The following HECTD4 variants were observed in gnomAD, a reference collection of about 807,000 sequenced individuals.
The protein encoded by HECTD4 is probable E3 ubiquitin-protein ligase HECTD4.
In HECTD4, 114 loss-of-function variants were observed where a neutral mutation model predicts 471.5. The observed-to-expected ratio is 0.24, with a 90% CI of 0.21 to 0.28. HECTD4 has a LOEUF of 0.28. HECTD4 is among the 10% of genes least tolerant of loss of function. The pLI, the probability that HECTD4 is intolerant of heterozygous loss-of-function variation, is 1.00. For synonymous variants in HECTD4, 2,012 were observed against 2,256.0 expected, an observed-to-expected ratio of 0.89 and a Z score of 3.07; for missense variants, 3,866 against 5,651.5, an observed-to-expected ratio of 0.68 and a Z score of 10.13.
intron 1 of HECTD4, among the ~76,000 whole-genome samples, chr12:112,349,478 T>C (rs1362963950): frequency 6.6e-6 from 1 of 151,974 alleles, no homozygotes; most frequent in Non-Finnish European, 1.5e-5. Context: ...AATCAACATT[T>C]AAAAATTTTG....
chr12:112,381,640 T>C lies in HECTD4; in HGVS notation c.177+312A>G, dbSNP rs1393741354. Reference sequence around the variant, plus strand: ...GGAGGGAGGGCCCGGGTGGTGGCGGTGGCTCCTCTGGGGCATGAAGGCCGA... The same window carrying C: ...GGAGGGAGGGCCCGGGTGGTGGCGGCGGCTCCTCTGGGGCATGAAGGCCGA... On this transcript the variant is annotated intron_variant, in intron 1 of 75. Coordinates refer to ENST00000682272, the MANE Select transcript of HECTD4 (RefSeq NM_001388303.1). The surrounding 1 kb of genome is among the most constrained non-coding windows in gnomAD (Gnocchi z 4.1). 6.6e-6 allele frequency among the ~76,000 whole-genome samples: 1 copy of C among 151,482 alleles called. No homozygotes were observed. Among genetic ancestry groups the C allele is most frequent in the East Asian group, 2.0e-4 (1 of 5,128 alleles).
intron 35 of HECTD4, among the ~76,000 whole-genome samples, chr12:112,236,622 C>A (rs2033508995): frequency 6.6e-6 from 1 of 152,306 alleles, no homozygotes; most frequent in Middle Eastern, 3.4e-3. Context: ...CCTCTTTAAT[C>A]TTGCTACAAT....
rs2031595108 is a variant in HECTD4 at position 112,179,705 on chromosome 12, G to T, written c.10988-308C>A. On this transcript the variant is annotated intron_variant, in intron 62 of 75. Coordinates refer to ENST00000682272, the MANE Select transcript of HECTD4 (RefSeq NM_001388303.1). The surrounding 1 kb of genome is among the most constrained non-coding windows in gnomAD (Gnocchi z 4.3). The stretch of plus-strand genomic sequence containing the variant: ...GGGGACGACAGGCCCCTCCCCGAGG[G>T]TGGGCACACCTCAGTGCTCACCCTC... Among the ~76,000 whole-genome samples, 1 of 152,142 alleles carries T rather than the reference G, an allele frequency of 6.6e-6. No homozygotes were observed.
intron 44 of HECTD4, among the ~76,000 whole-genome samples, chr12:112,219,890 G>A (rs1011668005): frequency 9.9e-5 from 15 of 152,086 alleles, no homozygotes; most frequent in Admixed American, 7.2e-4. Context: ...TTGAGCCACC[G>A]CGCCCAGCCT....
Position 112,258,551 on chromosome 12 carries a change from C to A in HECTD4, c.3073G>T (p.Gly1025Cys). 1 of 1,605,824 alleles carries A rather than the reference C, an allele frequency of 6.2e-7. No individual in the cohort carries two copies. Among genetic ancestry groups the A allele is most frequent in the South Asian group, 1.1e-5 (1 of 89,884 alleles). Residue 1025 changes from glycine to cysteine, a missense_variant, in exon 20 of 76, where the codon GGC becomes TGC. Physicochemically the swap from Gly to Cys is radical, Grantham distance 159 (BLOSUM62 -3). Around this residue, in one of 16 missense-constraint regions of HECTD4, gnomAD observed 525 missense variants for 672.6 expected, o/e 0.78. Transcript: ENST00000682272. ...KTQCPVFAEV[G>C]CSPCGAPDQK... is the part of the protein sequence containing the mutation. ...TCTGGTGCACCACACGGGGAACAGCCCACCTCAGCAAAAACCGGACACTGG... is the reference window on the plus strand; with the variant it reads ...TCTGGTGCACCACACGGGGAACAGCACACCTCAGCAAAAACCGGACACTGG...
rs1006803564 is a variant in HECTD4 at position 112,167,402 on chromosome 12, G to A, written c.12449C>T (p.Thr4150Met). ...AGGGTCCAAGGGCTCGCCCACCAGC[G>A]TCTTCCAGAAGGAGGGCAGGAGGTC... Reference protein sequence around the residue: ...PLDLLPSFWKTLVGEPLDPEQ... With the variant: ...PLDLLPSFWKMLVGEPLDPEQ... The change falls in exon 72 of 76, where the codon ACG becomes ATG. Residue 4150 changes from threonine to methionine, a missense_variant. Thr to Met is a moderately conservative substitution (Grantham distance 81, BLOSUM62 -1). This residue lies in a region of HECTD4 where 715 missense variants were observed against 1,087.6 expected (regional missense o/e 0.66). Coordinates refer to ENST00000682272, the MANE Select transcript of HECTD4 (RefSeq NM_001388303.1). 1.5e-5 allele frequency: 25 copies of A among 1,613,738 alleles called. No homozygotes were observed. Among genetic ancestry groups the A allele is most frequent in the African/African-American group, 4.0e-5 (3 of 74,952 alleles).
At chr12:112,197,916 A>C (rs1417665896) in intron 55 of HECTD4, among the ~76,000 whole-genome samples, 1 of 151,842 alleles carries the variant, frequency 6.6e-6, no homozygotes, top group Non-Finnish European at 1.5e-5. Flanking sequence ...GACTCTAGCA[A>C]CCTCTGCCTC....
chr12:112,301,948 G>C, intron 7 of HECTD4: 4 of 880,034 alleles, frequency 4.5e-6, no homozygotes, highest in Non-Finnish European at 7.6e-6. Context: ...TGGGACCCAA[G>C]ATATTGCCTC....
At chr12:112,309,384 A>G (rs2035330379) in intron 5 of HECTD4, among the ~76,000 whole-genome samples, 177 bp downstream of exon 5, 1 of 152,222 alleles carries the variant, frequency 6.6e-6, no homozygotes, top group South Asian at 2.1e-4. Flanking sequence ...CATTAACAGA[A>G]CAAGATGGGG....
In HECTD4 at chr12:112,319,966, T is replaced by C. The variant is rs2035552038; in HGVS notation, c.178-224A>G. ...CATGAAAATTGGGATTAGACCTAAT[T>C]GAAAGAGCCCAAATCATAAAAGAAT... On this transcript the variant is annotated intron_variant, in intron 1 of 75. Coordinates refer to ENST00000682272, the MANE Select transcript of HECTD4 (RefSeq NM_001388303.1). The surrounding 1 kb of genome is among the most constrained non-coding windows in gnomAD (Gnocchi z 5.3). 6.6e-6 allele frequency among the ~76,000 whole-genome samples: 1 copy of C among 152,210 alleles called. No individual in the cohort carries two copies. Among genetic ancestry groups the C allele is most frequent in the Admixed American group, 6.5e-5 (1 of 15,272 alleles).
At chr12:112,225,866 G>A (rs1013038557) in intron 44 of HECTD4, among the ~76,000 whole-genome samples, 1 of 152,072 alleles carries the variant, frequency 6.6e-6, no homozygotes, top group Non-Finnish European at 1.5e-5. Flanking sequence ...GGGCTCAAGC[G>A]ATCCTCCTGC....
Position 112,170,218 on chromosome 12 carries a change from C to T in HECTD4, c.12052+115G>A, listed in dbSNP as rs1176618556. 8.5e-6 allele frequency: 12 copies of T among 1,412,742 alleles called. No individual in the cohort carries two copies. In the East Asian group the frequency reaches 1.5e-4, roughly 18 times the overall value. 87.5% of individuals were successfully genotyped at this position (1,412,742 alleles called of 1,614,324 possible). On this transcript the variant is annotated intron_variant, in intron 69 of 75. Transcript: ENST00000682272. Reference sequence around the variant, plus strand: ...CACACACCAGGGCGCTCCAGCAGAACGACAGGAGGAACCGCTGCACCAGCC... The same window carrying T: ...CACACACCAGGGCGCTCCAGCAGAATGACAGGAGGAACCGCTGCACCAGCC...
At chr12:112,276,247 T>C (rs1394730410) in intron 9 of HECTD4, among the ~76,000 whole-genome samples, 1 of 152,156 alleles carries the variant, frequency 6.6e-6, no homozygotes, top group Non-Finnish European at 1.5e-5. Flanking sequence ...GTGTAAGCTA[T>C]ATCCTCATGA....
At chr12:112,259,973 A>G (rs1016893093) in intron 18 of HECTD4, among the ~76,000 whole-genome samples, 10 of 152,090 alleles carry the variant, frequency 6.6e-5, no homozygotes, top group Admixed American at 5.9e-4. Flanking sequence ...TAAAATAAAC[A>G]TAGCACAAAA....
At chr12:112,296,292 T>G (rs2035011508) in intron 7 of HECTD4, among the ~76,000 whole-genome samples, 2 of 151,220 alleles carry the variant, frequency 1.3e-5, no homozygotes, top group Non-Finnish European at 2.9e-5. Flanking sequence ...GTGCAGTGGA[T>G]GTAGGTGCAG....
chr12:112,338,876 C>A (rs891703646), intron 1 of HECTD4, among the ~76,000 whole-genome samples: 6 of 152,046 alleles, frequency 3.9e-5, no homozygotes, highest in Non-Finnish European at 5.9e-5. Flanking sequence ...AGAAACAGAT[C>A]TTCTGAGAAC....
At chr12:112,296,677 A>G (rs1017932721) in intron 7 of HECTD4, among the ~76,000 whole-genome samples, 5 of 149,894 alleles carry the variant, frequency 3.3e-5, no homozygotes, top group Non-Finnish European at 7.4e-5. Flanking sequence ...GTGTAGGTGC[A>G]GCAAGTGGTA....
intron 1 of HECTD4, among the ~76,000 whole-genome samples, chr12:112,338,367 T>C (rs1184929151): frequency 1.3e-5 from 2 of 152,226 alleles, no homozygotes; most frequent in Admixed American, 6.5e-5. Context: ...CTCACGCCTG[T>C]AGTTCTACTT....
chr12:112,301,174 C>A (rs1389913434), intron 7 of HECTD4, among the ~76,000 whole-genome samples: 1 of 151,276 alleles, frequency 6.6e-6, no homozygotes, highest in African/African-American at 2.4e-5. Context: ...GCATGAGCCA[C>A]CACGCCCGGT....
Sources: gnomAD v4.1 joint callset for allele counts (sites outside exome capture counted in the v4.1 genomes callset) on GRCh38, gnomAD v4.1.1 for gene constraint, gnomAD v4.1.1 regional missense constraint, Gnocchi (gnomAD v3.1) non-coding constraint, MANE v1.5 for transcripts, NCBI Gene and HGNC (gene_info 2026-07-23, HGNC 2026-07-21) for gene names.